Variants in ARHGEF3 observed in about 807,000 individuals in gnomAD.
The protein encoded by ARHGEF3 is Rho guanine nucleotide exchange factor 3.
In ARHGEF3, 28 loss-of-function variants were observed where a neutral mutation model predicts 63.2. The observed-to-expected ratio is 0.44, with a 90% CI of 0.33 to 0.61. ARHGEF3 has a LOEUF of 0.61. Among genes scored for constraint, ARHGEF3 ranks in the 20% least tolerant of loss-of-function variants. The probability of loss-of-function intolerance (pLI) is 0.03; values close to 1 mark genes in which losing one functional copy is unlikely to be tolerated. For synonymous variants in ARHGEF3, 266 were observed against 254.2 expected (o/e 1.05, Z -0.44); for missense variants, 533 against 659.3 (o/e 0.81, Z 2.10).
At chr3:57,014,404 T>C (rs1702879067) in intron 2 of ARHGEF3, among the ~76,000 whole-genome samples, 1 of 152,120 alleles carries the variant, frequency 6.6e-6, no homozygotes, top group African/African-American at 2.4e-5. Flanking sequence ...TCACCACCCC[T>C]GTTCATCACA....
At chr3:56,838,157 T>TA (rs1223589366) in intron 4 of ARHGEF3, among the ~76,000 whole-genome samples, 2 of 152,194 alleles carry the variant, frequency 1.3e-5, no homozygotes, top group African/African-American at 4.8e-5. Context: ...AATAATGGTA[T>TA]AAAAAACAAC....
chr3:56,907,854 TG>T (rs2108327336), intron 3 of ARHGEF3, among the ~76,000 whole-genome samples: 1 of 152,164 alleles, frequency 6.6e-6, no homozygotes, highest in Non-Finnish European at 1.5e-5. Context: ...CAACACACAC[TG>T]GGGCCTATCA....
At chr3:56,857,228 G>A (rs1327474766) in intron 4 of ARHGEF3, among the ~76,000 whole-genome samples, 1 of 152,102 alleles carries the variant, frequency 6.6e-6, no homozygotes, top group African/African-American at 2.4e-5. Context: ...GGCCACGGTG[G>A]GTTGCCTTCC....
intron 6 of ARHGEF3, among the ~76,000 whole-genome samples, chr3:56,747,211 G>A (rs901548265): frequency 6.6e-6 from 1 of 152,150 alleles, no homozygotes; most frequent in African/African-American, 2.4e-5. Context: ...ATCTGGAAAT[G>A]CCCAATGTTT....
intron 1 of ARHGEF3, among the ~76,000 whole-genome samples, chr3:57,061,605 T>G (rs1476739010): frequency 6.6e-6 from 1 of 152,244 alleles, no homozygotes; most frequent in Non-Finnish European, 1.5e-5. Flanking sequence ...AACATGGGAA[T>G]GCAAGTATCT....
intron 3 of ARHGEF3, among the ~76,000 whole-genome samples, chr3:56,885,124 G>A (rs185241749): frequency 6.6e-6 from 1 of 152,308 alleles, no homozygotes; most frequent in Non-Finnish European, 1.5e-5. Context: ...ATCACAATCA[G>A]CAACACGTGC....
chr3:56,900,323 A>AAAAAC (rs961055836), intron 3 of ARHGEF3, among the ~76,000 whole-genome samples: 35 of 152,316 alleles, frequency 2.3e-4, no homozygotes, highest in African/African-American at 8.4e-4. Context: ...ATATTTTTGT[A>AAAAAC]AAAACAAAAC....
chr3:57,016,010 T>C (rs1702984588), intron 2 of ARHGEF3, among the ~76,000 whole-genome samples: 1 of 151,946 alleles, frequency 6.6e-6, no homozygotes, highest in Admixed American at 6.6e-5. Flanking sequence ...CGTCCTCATA[T>C]CCAGCAGGAA....
intron 3 of ARHGEF3, among the ~76,000 whole-genome samples, chr3:56,943,132 A>G (rs1699271351): frequency 6.6e-6 from 1 of 151,788 alleles, no homozygotes; most frequent in African/African-American, 2.4e-5. Flanking sequence ...CAGATTTTCA[A>G]TGTAGATGAA....
In ARHGEF3 at chr3:56,864,348, G is replaced by A. The variant is rs994057568; in HGVS notation, c.192+17944C>T. 3.3e-5 allele frequency among the ~76,000 whole-genome samples: 5 copies of A among 152,204 alleles called. No homozygotes were observed. In the East Asian group the frequency reaches 7.7e-4, roughly 23 times the overall value. On this transcript the variant is annotated intron_variant, in intron 4 of 12. Transcript: ENST00000338458. ...CTGCCACAGGGCCCTTGCACATGCT[G>A]TTCCCAAGGTCACAGCTCTTTCACT...
intron 3 of ARHGEF3, among the ~76,000 whole-genome samples, chr3:56,890,144 T>G (rs2108279369): frequency 6.6e-6 from 1 of 152,334 alleles, no homozygotes; most frequent in South Asian, 2.1e-4. Flanking sequence ...ACAAGGCATT[T>G]ACCTACATAC....
intron 4 of ARHGEF3, among the ~76,000 whole-genome samples, chr3:56,809,820 C>T (rs1217312068): frequency 6.6e-6 from 1 of 151,982 alleles, no homozygotes; most frequent in African/African-American, 2.4e-5. Flanking sequence ...GCAACCTCCA[C>T]CTCCCAGGTT....
At chr3:56,815,122 C>T (rs1424729724) in intron 4 of ARHGEF3, among the ~76,000 whole-genome samples, 1 of 148,916 alleles carries the variant, frequency 6.7e-6, no homozygotes, top group Admixed American at 6.7e-5. Flanking sequence ...CCAGCTTGGG[C>T]AACAGAGCGA....
chr3:56,882,163 C>T, intron 4 of ARHGEF3: 1 of 856,976 alleles, frequency 1.2e-6, no homozygotes, highest in East Asian at 2.8e-5. Flanking sequence ...AAAAAATTTC[C>T]CCCAGGTCAC....
chr3:57,031,048 C>T (rs940681814), intron 2 of ARHGEF3, among the ~76,000 whole-genome samples: 6 of 152,286 alleles, frequency 3.9e-5, no homozygotes, highest in East Asian at 3.9e-4. Flanking sequence ...TCCAGCTGGT[C>T]GGCTTTGTCT....
At chr3:56,783,327 T>G (rs1161297022) in intron 1 of ARHGEF3, among the ~76,000 whole-genome samples, 3 of 152,142 alleles carry the variant, frequency 2.0e-5, no homozygotes, top group African/African-American at 7.2e-5. Flanking sequence ...TGTAATAAAC[T>G]GCATGGCAAA....
chr3:56,956,337 T>G (rs1440702916), intron 3 of ARHGEF3, among the ~76,000 whole-genome samples: 2 of 152,052 alleles, frequency 1.3e-5, no homozygotes, highest in African/African-American at 4.8e-5. Flanking sequence ...ACTCCTGGGC[T>G]CAAGCAATCC....
At chr3:56,951,051 TTC>T (rs1440176296) in intron 3 of ARHGEF3, among the ~76,000 whole-genome samples, 1 of 151,704 alleles carries the variant, frequency 6.6e-6, no homozygotes, top group Non-Finnish European at 1.5e-5. Context: ...ACACGGCATG[TTC>T]TCACTCATAG....
intron 1 of ARHGEF3, among the ~76,000 whole-genome samples, chr3:57,045,428 G>A (rs532348695): frequency 5.9e-5 from 9 of 152,338 alleles, no homozygotes; most frequent in African/African-American, 2.2e-4. Context: ...AGGACACAGT[G>A]GTCAGAGCAG....
Sources: gnomAD v4.1 joint callset for allele counts (sites outside exome capture counted in the v4.1 genomes callset) on GRCh38, gnomAD v4.1.1 for gene constraint, MANE v1.5 for transcripts, NCBI Gene and HGNC (gene_info 2026-07-23, HGNC 2026-07-21) for gene names.